The following SV2C variants were observed in gnomAD, a reference collection of about 807,000 sequenced individuals.
SV2C encodes the protein solute carrier family 22 member B3.
Under a neutral mutation model 79.7 loss-of-function variants are expected in SV2C, and 49 were observed. The ratio of observed to expected loss-of-function variants is 0.61; its 90% CI spans 0.49 to 0.78. SV2C has a LOEUF of 0.78. SV2C is among the 30% of genes least tolerant of loss of function. The probability of loss-of-function intolerance (pLI) is 0.00; values close to 1 mark genes in which losing one functional copy is unlikely to be tolerated. For missense variants in SV2C, 833 were observed against 912.9 expected, an observed-to-expected ratio of 0.91 and a Z score of 1.13; for synonymous variants, 334 against 333.2, an observed-to-expected ratio of 1.00 and a Z score of -0.03.
At chr5:76,353,455 C>T (rs73117804) in exon 13 of SV2C, 4,896 of 158,762 alleles carry the variant, frequency 0.031, 165 homozygotes, top group African/African-American at 0.085. Context: ...TCAGAAACAA[C>T]GGAGCCAGTT....
At chr5:75,938,757 C>T in the SV2C span, among the ~76,000 whole-genome samples, 83,222 of 151,918 alleles carry the variant, frequency 0.55, 23,260 homozygotes, top group African/African-American at 0.66. Context: ...TGTATGCTTA[C>T]GATTAGTGTC....
the SV2C span, among the ~76,000 whole-genome samples, chr5:75,947,457 T>A: frequency 1.2e-4 from 18 of 149,810 alleles, no homozygotes; most frequent in East Asian, 7.8e-4. Context: ...TGGGAAGACA[T>A]CATAGACCTA....
chr5:75,991,610 C>T, the SV2C span, among the ~76,000 whole-genome samples: 1 of 143,520 alleles, frequency 7.0e-6, no homozygotes, highest in Non-Finnish European at 1.5e-5. Flanking sequence ...TATATGGATA[C>T]ATATATGCAA....
intron 4 of SV2C, among the ~76,000 whole-genome samples, chr5:76,210,409 G>A (rs1744735570): frequency 1.3e-5 from 2 of 152,186 alleles, no homozygotes. Context: ...ATGGCTCACA[G>A]AACTCAGGGA....
At chr5:75,860,724 A>G in the SV2C span, among the ~76,000 whole-genome samples, 1 of 152,252 alleles carries the variant, frequency 6.6e-6, no homozygotes, top group Non-Finnish European at 1.5e-5. Flanking sequence ...ACAATGTGGT[A>G]CTAGTACAAA....
the SV2C span, among the ~76,000 whole-genome samples, chr5:75,989,188 C>T: frequency 6.7e-4 from 102 of 151,520 alleles, no homozygotes; most frequent in African/African-American, 2.3e-3. Flanking sequence ...CAGGAGAATG[C>T]GCAGGTCTGT....
At chr5:75,910,989 C>T in the SV2C span, 185 of 956,320 alleles carry the variant, frequency 1.9e-4, 2 homozygotes, top group South Asian at 1.1e-3. Context: ...TCTATGGCCT[C>T]CAGTCCTCTT....
chr5:76,047,150 A>G, the SV2C span, among the ~76,000 whole-genome samples: 1 of 152,194 alleles, frequency 6.6e-6, no homozygotes, highest in African/African-American at 2.4e-5. Flanking sequence ...ATAAGCGTAC[A>G]GCTTGATGAA....
At chr5:76,191,088 C>T (rs12518324) in intron 2 of SV2C, among the ~76,000 whole-genome samples, 6,743 of 141,422 alleles carry the variant, frequency 0.048, 600 homozygotes, top group East Asian at 0.35. Flanking sequence ...GGAAGCGTGG[C>T]TGGGGAGGCC....
the SV2C span, among the ~76,000 whole-genome samples, chr5:75,896,516 A>G: frequency 1.3e-5 from 2 of 151,984 alleles, no homozygotes; most frequent in East Asian, 3.9e-4. Context: ...TAGTGCTGCA[A>G]TAAACATACG....
At chr5:76,029,705 G>A in the SV2C span, among the ~76,000 whole-genome samples, 3 of 152,212 alleles carry the variant, frequency 2.0e-5, no homozygotes, top group South Asian at 6.2e-4. Flanking sequence ...TAATTTCAGG[G>A]ACAAGTAAAC....
At chr5:76,183,044 T>C (rs1561253555) in intron 2 of SV2C, among the ~76,000 whole-genome samples, 1 of 146,576 alleles carries the variant, frequency 6.8e-6, no homozygotes. Context: ...TTTTTTTTTT[T>C]TTTTTTTTTG....
the SV2C span, among the ~76,000 whole-genome samples, chr5:76,062,792 T>C: frequency 6.6e-6 from 1 of 152,260 alleles, no homozygotes; most frequent in South Asian, 2.1e-4. Context: ...AAAGTAATAT[T>C]ACATTTCTTA....
At chr5:75,906,262 G>T in the SV2C span, among the ~76,000 whole-genome samples, 2 of 152,096 alleles carry the variant, frequency 1.3e-5, no homozygotes, top group Admixed American at 6.6e-5. Context: ...ATACATTCCT[G>T]CTCCTTTAAG....
chr5:76,041,482 G>C, the SV2C span, among the ~76,000 whole-genome samples: 1 of 152,150 alleles, frequency 6.6e-6, no homozygotes, highest in Non-Finnish European at 1.5e-5. Context: ...GTTCACCCTA[G>C]AGAAGAAGGA....
chr5:75,998,261 T>C, the SV2C span, among the ~76,000 whole-genome samples: 267 of 151,998 alleles, frequency 1.8e-3, no homozygotes, highest in Middle Eastern at 3.4e-3. Context: ...TTAATGGGTG[T>C]AGCATACCAA....
chr5:75,968,614 G>C, the SV2C span, among the ~76,000 whole-genome samples: 151 of 152,278 alleles, frequency 9.9e-4, 1 homozygote, highest in African/African-American at 3.5e-3. Flanking sequence ...AGTGTGAAGA[G>C]AAGTTTAGAG....
intron 12 of SV2C, among the ~76,000 whole-genome samples, chr5:76,348,864 G>A (rs1025105157): frequency 3.7e-4 from 57 of 152,122 alleles, no homozygotes; most frequent in Non-Finnish European, 1.5e-4. Flanking sequence ...TCTGGGCGTG[G>A]TGGCAGGTGC....
At chr5:76,275,466 A>C (rs1746997022) in intron 4 of SV2C, among the ~76,000 whole-genome samples, 1 of 151,420 alleles carries the variant, frequency 6.6e-6, no homozygotes, top group Admixed American at 6.6e-5. Context: ...CAGCCTGGGC[A>C]ACAGAGCGAA....
Sources: gnomAD v4.1 joint callset for allele counts (sites outside exome capture counted in the v4.1 genomes callset) on GRCh38, gnomAD v4.1.1 for gene constraint, MANE v1.5 for transcripts, NCBI Gene and HGNC (gene_info 2026-07-23, HGNC 2026-07-21) for gene names.